SRPK1: variants seen among roughly 807,000 people sequenced by gnomAD.
The protein encoded by SRPK1 is SFRS protein kinase 1.
Under a neutral mutation model 89.5 loss-of-function variants are expected in SRPK1, and 52 were observed. That is an observed-to-expected ratio of 0.58 (90% CI 0.46 to 0.73). The LOEUF (loss-of-function observed/expected upper bound fraction) is 0.73. Ranked by LOEUF, SRPK1 falls within the 30% of genes least tolerant of loss-of-function variation. The probability of loss-of-function intolerance (pLI) is 0.00; values close to 1 mark genes in which losing one functional copy is unlikely to be tolerated. For missense variants in SRPK1, 603 were observed against 780.6 expected, an observed-to-expected ratio of 0.77 and a Z score of 2.71; for synonymous variants, 255 against 270.2, an observed-to-expected ratio of 0.94 and a Z score of 0.55.
At chr6:35,851,318 T>C (rs1184982966) in intron 13 of SRPK1, among the ~76,000 whole-genome samples, 5 of 151,760 alleles carry the variant, frequency 3.3e-5, no homozygotes, top group Non-Finnish European at 5.9e-5. Context: ...GGGATTTCAG[T>C]TGCACGCCAC....
At chr6:35,879,283 A>G (rs969136171) in intron 6 of SRPK1, among the ~76,000 whole-genome samples, 5 of 151,874 alleles carry the variant, frequency 3.3e-5, no homozygotes, top group African/African-American at 1.2e-4. Context: ...ACAGCGGCTC[A>G]TGCACGTAAT....
At chr6:35,835,665 C>CCT in intron 15 of SRPK1, among the ~76,000 whole-genome samples, 177 bp from the exon 16 acceptor site, 1 of 152,196 alleles carries the variant, frequency 6.6e-6, no homozygotes, top group South Asian at 2.1e-4. Context: ...GAAAGAAGTG[C>CCT]CTCTATTCTT....
chr6:35,896,563 A>G (rs1366130852), intron 2 of SRPK1, among the ~76,000 whole-genome samples: 2 of 152,252 alleles, frequency 1.3e-5, no homozygotes, highest in African/African-American at 4.8e-5. Flanking sequence ...TAGAATTACC[A>G]TATGACCTAG....
Position 35,879,305 on chromosome 6 carries a change from G to A in SRPK1, c.479-4966C>T, listed in dbSNP as rs1404089352. Among the ~76,000 whole-genome samples the A allele has an allele frequency of 5.9e-5, 9 of 152,122 alleles. No homozygotes were observed. The South Asian group carries it at 6.2e-4, about 10-fold the overall frequency. On this transcript the variant is annotated intron_variant, in intron 6 of 15. Transcript: ENST00000373825. ...CTCATGCACGTAATCCCAGCACTTCGGGAGGCTGAGGCAGGATGACTGCTT... is the reference window on the plus strand; with the variant it reads ...CTCATGCACGTAATCCCAGCACTTCAGGAGGCTGAGGCAGGATGACTGCTT...
chr6:35,834,206 C>G lies in SRPK1; in HGVS notation c.*1098G>C, dbSNP rs1769125796. 6.6e-6 allele frequency: 1 copy of G among 152,450 alleles called. No individual in the cohort carries two copies. The allele number at this position is 152,450 out of a possible 1,614,324, so 9.4% of individuals were successfully genotyped here. On this transcript the variant is annotated 3_prime_UTR_variant, in exon 16 of 16. Transcript: ENST00000373825. ...AGACCAACAAAAAAAAGTGCCATCC[C>G]ACCCCTCCCCTTGGTTCTTTCATTT...
chr6:35,843,395 TTAACTTTTGCATAGGAAGTACTCCC>T (rs1239232052), intron 13 of SRPK1, among the ~76,000 whole-genome samples: 4 of 152,240 alleles, frequency 2.6e-5, no homozygotes, highest in Admixed American at 1.3e-4. Flanking sequence ...AAGTACATCA[TTAACTTTTGCATAGGAAGTACTCCC>T]TAGATTGTCC....
At chr6:35,866,308 G>T (rs567040890) in intron 12 of SRPK1, among the ~76,000 whole-genome samples, 1 of 152,236 alleles carries the variant, frequency 6.6e-6, no homozygotes, top group East Asian at 1.9e-4. Flanking sequence ...ATGAATGGCC[G>T]GGCGCGGTGG....
chr6:35,869,075 G>A lies in SRPK1; in HGVS notation c.1447C>T (p.Leu483Phe), dbSNP rs1769970624. The change falls in exon 12 of 16, where the codon CTT becomes TTT. Residue 483 changes from leucine to phenylalanine, a missense_variant. Coordinates refer to ENST00000373825, the MANE Select transcript of SRPK1 (RefSeq NM_003137.5). The part of the protein sequence containing the change: ...STAGNFLVNP[L>F]EPKNAEKLKV... The stretch of plus-strand genomic sequence containing the variant: ...AGCTTTTCTGCATTTTTTGGCTCAA[G>A]GGGATTAACAAGAAAATTTCCAGCC... 1 of 1,613,774 alleles carries A rather than the reference G, an allele frequency of 6.2e-7. No individual in the cohort carries two copies. The highest frequency in any genetic ancestry group is 1.3e-5 in the African/African-American group (1 of 74,892).
At chr6:35,870,529 G>T (rs1183777054) in intron 9 of SRPK1, 35 bp from the exon 10 acceptor site, 2 of 1,522,990 alleles carry the variant, frequency 1.3e-6, no homozygotes, top group Admixed American at 2.1e-5. Flanking sequence ...AAGCCTTCAG[G>T]TGGCTAATTA....
At chr6:35,855,429 G>A (rs1474182164) in intron 13 of SRPK1, among the ~76,000 whole-genome samples, 2 of 152,154 alleles carry the variant, frequency 1.3e-5, no homozygotes, top group Admixed American at 6.6e-5. Context: ...AATGCAGACA[G>A]CAAGAAATCT....
At chr6:35,912,323 C>T (rs547962679) in intron 2 of SRPK1, among the ~76,000 whole-genome samples, 1 of 152,272 alleles carries the variant, frequency 6.6e-6, no homozygotes, top group East Asian at 1.9e-4. Context: ...TGCACTCCAG[C>T]CTGGGCAACA....
At chr6:35,889,713 G>A (rs1472133179) in intron 3 of SRPK1, among the ~76,000 whole-genome samples, 1 of 151,868 alleles carries the variant, frequency 6.6e-6, no homozygotes, top group Non-Finnish European at 1.5e-5. Context: ...GAACCCAGGA[G>A]GTGGAGGTTG....
chr6:35,868,776 T>A (rs1003889881), intron 12 of SRPK1, among the ~76,000 whole-genome samples: 1 of 152,130 alleles, frequency 6.6e-6, no homozygotes, highest in Admixed American at 6.6e-5. Context: ...GTGATGGGTA[T>A]CTGGAGTGGG....
chr6:35,880,742 A>AAAAAAAAAAG, intron 6 of SRPK1, among the ~76,000 whole-genome samples: 1 of 28,176 alleles, frequency 3.5e-5, no homozygotes, highest in Non-Finnish European at 5.6e-5. Flanking sequence ...AAAGAAAAAA[A>AAAAAAAAAAG]AAAAAAAAGA....
At chr6:35,865,882 A>G (rs1049327148) in intron 12 of SRPK1, among the ~76,000 whole-genome samples, 1 of 152,130 alleles carries the variant, frequency 6.6e-6, no homozygotes, top group African/African-American at 2.4e-5. Flanking sequence ...GGACTTAAAC[A>G]AAAAAGCTTC....
intron 2 of SRPK1, among the ~76,000 whole-genome samples, chr6:35,893,973 T>C (rs960945633): frequency 1.9e-4 from 29 of 152,104 alleles, no homozygotes; most frequent in African/African-American, 6.3e-4. Flanking sequence ...ATCATGCCAC[T>C]GTGCTCCAGC....
At chr6:35,887,907 T>G in intron 5 of SRPK1, 117 bp downstream of exon 5, 5 of 680,464 alleles carry the variant, frequency 7.3e-6, no homozygotes, top group Non-Finnish European at 1.1e-5. Flanking sequence ...TTAAGGTTAC[T>G]AGAACTTTAT....
intron 14 of SRPK1, among the ~76,000 whole-genome samples, chr6:35,840,291 G>A (rs1769279150): frequency 1.3e-5 from 2 of 152,166 alleles, no homozygotes; most frequent in Non-Finnish European, 2.9e-5. Context: ...AGTTAGTGGT[G>A]TCATTTAAAG....
At chr6:35,844,509 T>C (rs1769386746) in intron 13 of SRPK1, among the ~76,000 whole-genome samples, 1 of 152,094 alleles carries the variant, frequency 6.6e-6, no homozygotes. Context: ...TTTCTGCAGT[T>C]TCATGACAGA....
Sources: gnomAD v4.1 joint callset for allele counts (sites outside exome capture counted in the v4.1 genomes callset) on GRCh38, gnomAD v4.1.1 for gene constraint, MANE v1.5 for transcripts, NCBI Gene and HGNC (gene_info 2026-07-23, HGNC 2026-07-21) for gene names.